CEP120: variants seen among roughly 807,000 people sequenced by gnomAD.
CEP120 encodes centrosomal protein of 120 kDa.
CEP120 carries 113 observed loss-of-function variants against 126.5 expected under a neutral mutation model. That is an observed-to-expected ratio of 0.89 (90% CI 0.77 to 1.04). The LOEUF (loss-of-function observed/expected upper bound fraction) is 1.04. Ranked by LOEUF, CEP120 falls within the 50% of genes least tolerant of loss-of-function variation. The pLI is 0.00. For synonymous variants in CEP120, 400 were observed against 394.3 expected (o/e 1.01, Z -0.17); for missense variants, 1,230 against 1,155.7 (o/e 1.06, Z -0.93).
At chr5:123,393,242 A>G in intron 6 of CEP120, 58 bp downstream of exon 6, 1 of 1,460,350 alleles carries the variant, frequency 6.8e-7, no homozygotes, top group Non-Finnish European at 9.6e-7. Context: ...TAGTTTAGGT[A>G]CTAAATTAAT....
intron 16 of CEP120, among the ~76,000 whole-genome samples, chr5:123,376,241 G>C (rs1771214512): frequency 1.3e-5 from 2 of 152,108 alleles, no homozygotes; most frequent in South Asian, 4.1e-4. Flanking sequence ...GGATGAATTA[G>C]GGAAGATTTC....
At chr5:123,383,838 T>C (rs943928282) in intron 11 of CEP120, among the ~76,000 whole-genome samples, 1 of 152,144 alleles carries the variant, frequency 6.6e-6, no homozygotes, top group African/African-American at 2.4e-5. Flanking sequence ...AAAATGCTAG[T>C]AATACAAAAC....
chr5:123,359,323 A>C (rs1769893898), intron 18 of CEP120, among the ~76,000 whole-genome samples: 2 of 152,048 alleles, frequency 1.3e-5, no homozygotes, highest in East Asian at 3.9e-4. Context: ...TAAAAATGTT[A>C]AATTGTCTAC....
chr5:123,364,488 C>T lies in CEP120; in HGVS notation c.2580+8G>A. 6.3e-7 allele frequency: 1 copy of T among 1,580,886 alleles called. No homozygotes were observed. Among genetic ancestry groups the T allele is most frequent in the Non-Finnish European group, 8.7e-7 (1 of 1,154,980 alleles). On this transcript the variant is annotated splice_region_variant and intron_variant, in intron 18 of 19. Transcript: ENST00000306467. ...AGATATAAAAAGAATAAGCTATAAA[C>T]TACATACCTGTTTAAGTCTGGCAAG...
At chr5:123,416,838 T>G (rs1326012752) in intron 2 of CEP120, among the ~76,000 whole-genome samples, 1 of 152,098 alleles carries the variant, frequency 6.6e-6, no homozygotes, top group Non-Finnish European at 1.5e-5. Flanking sequence ...TACAAATACA[T>G]GCTTATAGCT....
chr5:123,418,269 C>T, intron 2 of CEP120, 90 bp downstream of exon 2: 1 of 1,212,342 alleles, frequency 8.2e-7, no homozygotes. Context: ...TACTTCTGGT[C>T]CCAAGTATTA....
At chr5:123,378,624 C>G (rs1487179970) in intron 14 of CEP120, among the ~76,000 whole-genome samples, 196 bp from the exon 15 acceptor site, 1 of 152,028 alleles carries the variant, frequency 6.6e-6, no homozygotes, top group Non-Finnish European at 1.5e-5. Flanking sequence ...ATATTTCCTC[C>G]TCTTGGTCTT....
At chr5:123,394,279 G>A (rs994566082) in intron 5 of CEP120, among the ~76,000 whole-genome samples, 5 of 152,148 alleles carry the variant, frequency 3.3e-5, no homozygotes, top group African/African-American at 1.2e-4. Flanking sequence ...TTTGGCACCA[G>A]GGACTGGTTT....
At chr5:123,408,702 A>T (rs920753198) in intron 4 of CEP120, among the ~76,000 whole-genome samples, 1 of 152,258 alleles carries the variant, frequency 6.6e-6, no homozygotes, top group Non-Finnish European at 1.5e-5. Flanking sequence ...GGAAGAAATT[A>T]TACCAATTCT....
chr5:123,382,056 A>C, intron 14 of CEP120, 55 bp downstream of exon 14: 2 of 1,199,436 alleles, frequency 1.7e-6, no homozygotes, highest in Non-Finnish European at 2.4e-6. Flanking sequence ...CGCAAATACA[A>C]GATATTATCA....
At chr5:123,351,517 T>G (rs893050666) in intron 18 of CEP120, among the ~76,000 whole-genome samples, 1 of 152,186 alleles carries the variant, frequency 6.6e-6, no homozygotes, top group African/African-American at 2.4e-5. Flanking sequence ...ACTGGATATA[T>G]ACATAGGCTT....
intron 6 of CEP120, among the ~76,000 whole-genome samples, chr5:123,392,998 C>T (rs1772506127): frequency 6.6e-6 from 1 of 152,048 alleles, no homozygotes; most frequent in African/African-American, 2.4e-5. Context: ...AAATCTTGCT[C>T]GTGCCTGCTG....
chr5:123,394,174 A>G (rs965315511), intron 5 of CEP120, among the ~76,000 whole-genome samples: 3 of 152,210 alleles, frequency 2.0e-5, no homozygotes, highest in Non-Finnish European at 2.9e-5. Context: ...GTGTTGATCA[A>G]TAGGAGATGG....
At chr5:123,412,986 T>C (rs1272711473) in intron 3 of CEP120, among the ~76,000 whole-genome samples, 1 of 152,060 alleles carries the variant, frequency 6.6e-6, no homozygotes, top group Non-Finnish European at 1.5e-5. Context: ...CATAGGAAAA[T>C]CTTGGATGGG....
intron 4 of CEP120, chr5:123,403,735 A>G: frequency 2.4e-6 from 1 of 425,452 alleles, no homozygotes; most frequent in South Asian, 1.7e-5. Flanking sequence ...CTGTTCGATG[A>G]TATTTCTGCC....
intron 11 of CEP120, among the ~76,000 whole-genome samples, chr5:123,383,686 T>C (rs1003033213): frequency 6.6e-6 from 1 of 152,136 alleles, no homozygotes; most frequent in African/African-American, 2.4e-5. Context: ...GCAATGCCTC[T>C]AGGCCTAATT....
At chr5:123,405,767 T>G (rs1185361428) in intron 4 of CEP120, among the ~76,000 whole-genome samples, 2 of 151,302 alleles carry the variant, frequency 1.3e-5, no homozygotes, top group African/African-American at 2.4e-5. Context: ...GTTCCTTTTG[T>G]CCCATACATC....
At chr5:123,401,035 A>G (rs1323864960) in intron 4 of CEP120, 1 of 1,569,038 alleles carries the variant, frequency 6.4e-7, no homozygotes, top group Non-Finnish European at 8.7e-7. Context: ...CCCAGGCCGT[A>G]GCTGAGGCCG....
chr5:123,400,704 C>CA (rs35093126), intron 4 of CEP120, among the ~76,000 whole-genome samples: 5,009 of 93,758 alleles, frequency 0.053, 179 homozygotes, highest in South Asian at 0.096. Context: ...TATTTTGGAC[C>CA]AAAAAAAAAA....
Sources: allele counts gnomAD v4.1 joint callset (sites outside exome capture counted in the v4.1 genomes callset), GRCh38; gene constraint gnomAD v4.1.1; transcripts MANE v1.5; gene names NCBI Gene and HGNC (gene_info 2026-07-23, HGNC 2026-07-21).